CMTM8: variants seen among roughly 807,000 people sequenced by gnomAD.
CMTM8 encodes the protein CKLF like MARVEL transmembrane domain containing 8, also known as CKLF-like MARVEL transmembrane domain-containing protein 8.
A neutral mutation model predicts 18.6 loss-of-function variants in CMTM8; 12 were observed. The ratio of observed to expected loss-of-function variants is 0.65; its 90% CI spans 0.41 to 1.05. The LOEUF is 1.05. Among genes scored for constraint, CMTM8 ranks in the 50% least tolerant of loss-of-function variants. CMTM8 has a pLI of 0.00. For missense variants in CMTM8, 217 were observed against 227.2 expected, an observed-to-expected ratio of 0.95 and a Z score of 0.29; for synonymous variants, 87 against 90.6, an observed-to-expected ratio of 0.96 and a Z score of 0.23.
intron 1 of CMTM8, among the ~76,000 whole-genome samples, chr3:32,320,933 A>G (rs1866260): frequency 6.6e-6 from 1 of 152,102 alleles, no homozygotes; most frequent in East Asian, 1.9e-4. Context: ...AACAGATAAT[A>G]AACTAACTCC....
At chr3:32,270,764 G>A (rs995457944) in intron 1 of CMTM8, among the ~76,000 whole-genome samples, 12 of 152,156 alleles carry the variant, frequency 7.9e-5, no homozygotes, top group Admixed American at 1.3e-4. Flanking sequence ...AGATATACCT[G>A]ATGTAAATGA....
intron 1 of CMTM8, among the ~76,000 whole-genome samples, chr3:32,288,785 C>G (rs774318289): frequency 6.6e-6 from 1 of 152,374 alleles, no homozygotes; most frequent in South Asian, 2.1e-4. Flanking sequence ...CAGGCGTGAG[C>G]CACTATATCT....
At position 32,277,095 on chromosome 3, in the gene CMTM8, C is replaced by T. The variant is rs115458538; in HGVS notation, c.147+37976C>T. ...GAGATTGGGGTCTCACCATGTTGCCCAGGCCAGTCTTGAGCTCCTGGGCTC... is the reference window on the plus strand; with the variant it reads ...GAGATTGGGGTCTCACCATGTTGCCTAGGCCAGTCTTGAGCTCCTGGGCTC... On this transcript the variant is annotated intron_variant, in intron 1 of 3. Coordinates refer to ENST00000307526, the MANE Select transcript of CMTM8 (RefSeq NM_178868.5). Among the ~76,000 whole-genome samples, 906 of 151,948 alleles carry T rather than the reference C, an allele frequency of 6.0e-3. 4 individuals carry two copies. The highest frequency in any genetic ancestry group is 0.021 in the African/African-American group (860 of 41,526).
At chr3:32,357,689 G>A (rs2289244) in intron 2 of CMTM8, 143 bp downstream of exon 2, 476,994 of 706,268 alleles carry the variant, frequency 0.68, 164,047 homozygotes, top group East Asian at 0.79. Flanking sequence ...GATAATCTCA[G>A]CATCATCTAA....
chr3:32,328,077 CA>C (rs1413852160), intron 1 of CMTM8, among the ~76,000 whole-genome samples: 1 of 151,728 alleles, frequency 6.6e-6, no homozygotes, highest in Non-Finnish European at 1.5e-5. Context: ...CTCATTTCTA[CA>C]AAAAAAATTT....
intron 2 of CMTM8, 108 bp downstream of exon 2, chr3:32,357,654 A>G: frequency 8.8e-7 from 1 of 1,141,190 alleles, no homozygotes; most frequent in South Asian, 1.5e-5. Flanking sequence ...AGGTGGGGCC[A>G]TACCATGGAG....
chr3:32,301,193 A>G (rs1695608389), intron 1 of CMTM8, among the ~76,000 whole-genome samples: 1 of 152,118 alleles, frequency 6.6e-6, no homozygotes, highest in African/African-American at 2.4e-5. Flanking sequence ...TTATCCCGGC[A>G]TTCATCTTTC....
intron 1 of CMTM8, among the ~76,000 whole-genome samples, chr3:32,272,811 C>T (rs1361393498): frequency 6.6e-6 from 1 of 152,166 alleles, no homozygotes; most frequent in Non-Finnish European, 1.5e-5. Context: ...TCTTGTCCAT[C>T]CTCACATTGA....
At chr3:32,262,690 A>G (rs1232169727) in intron 1 of CMTM8, among the ~76,000 whole-genome samples, 1 of 152,236 alleles carries the variant, frequency 6.6e-6, no homozygotes, top group Non-Finnish European at 1.5e-5. Flanking sequence ...ATGTTAGTAG[A>G]AGATAAAGTG....
intron 2 of CMTM8, among the ~76,000 whole-genome samples, chr3:32,366,204 G>A (rs965642916): frequency 3.9e-5 from 6 of 152,146 alleles, no homozygotes; most frequent in Non-Finnish European, 5.9e-5. Flanking sequence ...GAGGGAGAAT[G>A]CCCCTGCCTT....
chr3:32,326,675 C>T (rs1696164776), intron 1 of CMTM8, among the ~76,000 whole-genome samples: 1 of 151,992 alleles, frequency 6.6e-6, no homozygotes, highest in Admixed American at 6.6e-5. Flanking sequence ...TACCATCATG[C>T]CCACTAATTT....
Position 32,357,505 on chromosome 3 carries a change from A to G in CMTM8, c.280A>G (p.Met94Val), listed in dbSNP as rs138508355. The change falls in exon 2 of 4, where the codon ATG (methionine) becomes GTG (valine). Residue 94 changes from methionine to valine, a missense_variant. By Grantham distance (21) the Met-to-Val change is conservative (BLOSUM62 1). Transcript: ENST00000307526. ...TVFFLIIYIT[M>V]TYTRIPQVPW... Reference sequence around the variant, plus strand: ...CTTCTTCCTCATTATCTACATAACAATGACCTACACCAGGATTCCCCAGGT... The same window carrying G: ...CTTCTTCCTCATTATCTACATAACAGTGACCTACACCAGGATTCCCCAGGT... 1,625 of 1,613,936 alleles carry G rather than the reference A, an allele frequency of 1.0e-3. 1 individual carries two copies. Among genetic ancestry groups the G allele is most frequent in the Non-Finnish European group, 1.3e-3 (1,512 of 1,179,974 alleles).
At chr3:32,300,372 T>A (rs1330652503) in intron 1 of CMTM8, among the ~76,000 whole-genome samples, 1 of 152,206 alleles carries the variant, frequency 6.6e-6, no homozygotes, top group East Asian at 1.9e-4. Flanking sequence ...GGCCAATTCT[T>A]ACACAGAAAA....
At chr3:32,271,533 C>A (rs1248098554) in intron 1 of CMTM8, among the ~76,000 whole-genome samples, 1 of 152,198 alleles carries the variant, frequency 6.6e-6, no homozygotes, top group Non-Finnish European at 1.5e-5. Context: ...TTGCTTCCTC[C>A]ATTCATCATT....
At chr3:32,326,182 C>T (rs1696149415) in intron 1 of CMTM8, among the ~76,000 whole-genome samples, 1 of 152,338 alleles carries the variant, frequency 6.6e-6, no homozygotes, top group South Asian at 2.1e-4. Context: ...CACACTCGAT[C>T]GCATGACTGG....
intron 2 of CMTM8, 56 bp downstream of exon 2, chr3:32,357,602 G>A: frequency 6.4e-7 from 1 of 1,554,728 alleles, no homozygotes; most frequent in Non-Finnish European, 8.8e-7. Context: ...GATGGCATTA[G>A]TCCTCTACTA....
chr3:32,314,861 G>T (rs529696770), intron 1 of CMTM8, among the ~76,000 whole-genome samples: 1 of 75,888 alleles, frequency 1.3e-5, no homozygotes, highest in Non-Finnish European at 3.2e-5. Flanking sequence ...TGGGTGGCGG[G>T]GGGGGTCCAA....
At chr3:32,299,224 A>T (rs1330005820) in intron 1 of CMTM8, among the ~76,000 whole-genome samples, 1 of 152,062 alleles carries the variant, frequency 6.6e-6, no homozygotes, top group East Asian at 1.9e-4. Flanking sequence ...ACGATTTCCA[A>T]ATGTTAATTT....
intron 1 of CMTM8, among the ~76,000 whole-genome samples, chr3:32,288,646 G>A (rs762039526): frequency 2.2e-4 from 34 of 152,056 alleles, no homozygotes; most frequent in East Asian, 7.7e-4. Context: ...GACTACAGGC[G>A]CCCACCACCA....
Sources: gnomAD v4.1 joint callset for allele counts (sites outside exome capture counted in the v4.1 genomes callset) on GRCh38, gnomAD v4.1.1 for gene constraint, MANE v1.5 for transcripts, NCBI Gene and HGNC (gene_info 2026-07-23, HGNC 2026-07-21) for gene names.